OPCML: variants seen among roughly 807,000 people sequenced by gnomAD.
OPCML encodes opioid binding protein/cell adhesion molecule like, also known as opioid-binding protein/cell adhesion molecule.
A neutral mutation model predicts 37.8 loss-of-function variants in OPCML; 13 were observed. The ratio of observed to expected loss-of-function variants is 0.34; its 90% CI spans 0.22 to 0.55. The LOEUF (loss-of-function observed/expected upper bound fraction) is 0.55, where lower values mean the gene tolerates loss of function less well. Among genes scored for constraint, OPCML ranks in the 20% least tolerant of loss-of-function variants. The pLI is 0.91. For missense variants in OPCML, 341 were observed against 435.6 expected (o/e 0.78, Z 1.93); for synonymous variants, 176 against 168.8 (o/e 1.04, Z -0.33).
intron 1 of OPCML, among the ~76,000 whole-genome samples, chr11:133,186,972 C>CGTG (rs1420968326): frequency 2.6e-5 from 4 of 151,902 alleles, no homozygotes; most frequent in Admixed American, 1.3e-4. Context: ...AGGCATTCGT[C>CGTG]GTGGTGGTGG....
chr11:133,462,707 T>C (rs1456970345), intron 1 of OPCML, among the ~76,000 whole-genome samples: 1 of 152,012 alleles, frequency 6.6e-6, no homozygotes, highest in Non-Finnish European at 1.5e-5. Context: ...TGTAGAAAAA[T>C]TGAAATCCTC....
chr11:133,029,451 A>G (rs908215697), intron 1 of OPCML, among the ~76,000 whole-genome samples: 2 of 152,232 alleles, frequency 1.3e-5, no homozygotes, highest in Non-Finnish European at 2.9e-5. Flanking sequence ...TCACAATAGC[A>G]ATGACATGGA....
intron 1 of OPCML, among the ~76,000 whole-genome samples, chr11:133,112,378 C>CG (rs1949270650): frequency 7.5e-6 from 1 of 134,046 alleles, no homozygotes; most frequent in Non-Finnish European, 1.6e-5. Context: ...GAAAAATAAA[C>CG]GTTGATACTA....
intron 7 of OPCML, among the ~76,000 whole-genome samples, chr11:132,433,992 T>C (rs1358981046): frequency 1.3e-5 from 2 of 152,204 alleles, no homozygotes; most frequent in East Asian, 1.9e-4. Context: ...GTTGTTGTTA[T>C]CTGCCATGAC....
intron 7 of OPCML, among the ~76,000 whole-genome samples, chr11:132,428,315 T>C (rs1200977180): frequency 6.6e-6 from 1 of 152,224 alleles, no homozygotes; most frequent in Non-Finnish European, 1.5e-5. Flanking sequence ...TGAAACTGTA[T>C]AGAGGCTATA....
intron 1 of OPCML, among the ~76,000 whole-genome samples, chr11:133,526,166 G>C (rs1388586826): frequency 6.6e-6 from 1 of 152,142 alleles, no homozygotes; most frequent in Admixed American, 6.6e-5. Context: ...GCGCAGAGGC[G>C]AGTGGGTGGA....
intron 2 of OPCML, among the ~76,000 whole-genome samples, chr11:132,942,029 C>T (rs954701613): frequency 3.9e-5 from 6 of 152,124 alleles, no homozygotes; most frequent in East Asian, 1.9e-4. Context: ...CAAATGCATT[C>T]GCCCTGTGTA....
intron 2 of OPCML, among the ~76,000 whole-genome samples, chr11:132,779,930 C>T (rs1946943377): frequency 1.3e-5 from 2 of 152,070 alleles, no homozygotes. Flanking sequence ...ATGCTCTTTC[C>T]TTTCTTCTTT....
chr11:132,558,711 C>A (rs1323395312), intron 3 of OPCML, among the ~76,000 whole-genome samples: 2 of 151,620 alleles, frequency 1.3e-5, no homozygotes, highest in African/African-American at 4.8e-5. Flanking sequence ...TACAGCTGAT[C>A]TAACCATAAG....
intron 1 of OPCML, chr11:133,068,124 C>A (rs1036406069): frequency 3.3e-5 from 5 of 152,138 alleles, no homozygotes; most frequent in Non-Finnish European, 7.3e-5. Flanking sequence ...TTTAAAGCAG[C>A]AAAGATTGAT....
At chr11:132,609,779 G>C (rs1295571465) in intron 3 of OPCML, among the ~76,000 whole-genome samples, 1 of 152,100 alleles carries the variant, frequency 6.6e-6, no homozygotes, top group African/African-American at 2.4e-5. Context: ...ATCATTGCAC[G>C]TGTTTACATT....
In OPCML at chr11:133,007,172, T is replaced by G; in HGVS notation, c.62-64162A>C. Reference sequence around the variant, plus strand: ...AGGTACATGCCCACAGATTGTGGCCTTGGGGACTCTGTCTCACATAGCACA... The same window carrying G: ...AGGTACATGCCCACAGATTGTGGCCGTGGGGACTCTGTCTCACATAGCACA... On this transcript the variant is annotated intron_variant, in intron 1 of 7. Coordinates refer to ENST00000524381, the MANE Select transcript of OPCML (RefSeq NM_001012393.5). 4 of 985,454 alleles carry G rather than the reference T, an allele frequency of 4.1e-6. No homozygotes were observed. In the South Asian group the frequency reaches 1.9e-4, roughly 46 times the overall value. The allele number at this position is 985,454 out of a possible 1,614,324, so 61.0% of individuals were successfully genotyped here.
intron 1 of OPCML, among the ~76,000 whole-genome samples, chr11:133,096,248 A>G (rs1409045517): frequency 1.3e-5 from 2 of 151,966 alleles, no homozygotes; most frequent in Non-Finnish European, 2.9e-5. Context: ...TACTTGAACT[A>G]CCTTTAAGAT....
At chr11:133,457,438 C>T (rs7116887) in intron 1 of OPCML, among the ~76,000 whole-genome samples, 20,074 of 151,940 alleles carry the variant, frequency 0.13, 3,155 homozygotes, top group African/African-American at 0.37. Flanking sequence ...ACTTGGGAGG[C>T]TGAGGAGGGA....
intron 1 of OPCML, among the ~76,000 whole-genome samples, chr11:133,254,787 G>A (rs1468031457): frequency 6.6e-6 from 1 of 152,142 alleles, no homozygotes; most frequent in African/African-American, 2.4e-5. Context: ...CACTGGAGAT[G>A]TGGTACCCAG....
chr11:133,186,763 G>C (rs1015520736), intron 1 of OPCML, among the ~76,000 whole-genome samples: 1 of 152,216 alleles, frequency 6.6e-6, no homozygotes, highest in African/African-American at 2.4e-5. Context: ...GTGCAGGCAA[G>C]CACTAATCAA....
chr11:132,782,521 G>A (rs1458642050), intron 2 of OPCML, among the ~76,000 whole-genome samples: 3 of 152,242 alleles, frequency 2.0e-5, no homozygotes, highest in Non-Finnish European at 2.9e-5. Context: ...ATAATAAGAT[G>A]TGATCTCACT....
chr11:132,437,200 C>T lies in OPCML; in HGVS notation c.643+22G>A, dbSNP rs762898118. 15 of 1,608,608 alleles carry T rather than the reference C, an allele frequency of 9.3e-6. No homozygotes were observed. In the South Asian group the frequency reaches 1.6e-4, roughly 18 times the overall value. ...CCTGTGCCGTCTTTTCCCCAGAACC[C>T]CCTGGCTGCAGGTCCACTCACAGTT... On this transcript the variant is annotated intron_variant, in intron 5 of 7. Transcript: ENST00000524381.
At chr11:132,878,121 G>T (rs1182295468) in intron 2 of OPCML, among the ~76,000 whole-genome samples, 1 of 151,908 alleles carries the variant, frequency 6.6e-6, no homozygotes, top group African/African-American at 2.4e-5. Context: ...GGCGGAGATT[G>T]CAGTGAGCAG....
Sources: gnomAD v4.1 joint callset for allele counts (sites outside exome capture counted in the v4.1 genomes callset) on GRCh38, gnomAD v4.1.1 for gene constraint, MANE v1.5 for transcripts, NCBI Gene and HGNC (gene_info 2026-07-23, HGNC 2026-07-21) for gene names.